The following CBFA2T3 variants were observed in gnomAD, a reference collection of about 807,000 sequenced individuals.
The protein encoded by CBFA2T3 is transcriptional corepressor CBFA2T3.
In CBFA2T3, 31 loss-of-function variants were observed where a neutral mutation model predicts 58.6. The ratio of observed to expected loss-of-function variants is 0.53; its 90% CI spans 0.40 to 0.71. CBFA2T3 has a LOEUF of 0.71. Ranked by LOEUF, CBFA2T3 falls within the 30% of genes least tolerant of loss-of-function variation. CBFA2T3 has a pLI of 0.00. For missense variants in CBFA2T3, 1,076 were observed against 963.1 expected, an observed-to-expected ratio of 1.12 and a Z score of -1.55; for synonymous variants, 531 against 421.9, an observed-to-expected ratio of 1.26 and a Z score of -3.17.
At position 88,884,958 on chromosome 16, in the gene CBFA2T3, C is replaced by A. The variant is rs374540349; in HGVS notation, c.1117+88G>T. ...CAGGTGCACACAGCTGCCCGTGGTG[C>A]CCTGTGCCCACATGCTCAGGTGTAC... On this transcript the variant is annotated intron_variant, in intron 7 of 11. Transcript: ENST00000268679. The A allele has an allele frequency of 7.1e-6, 7 of 983,402 alleles. No individual in the cohort carries two copies. The East Asian group carries it at 1.1e-4, about 16-fold the overall frequency. 60.9% of individuals were successfully genotyped at this position (983,402 alleles called of 1,614,324 possible). A position where few individuals can be genotyped will look rare whatever the true frequency, so the allele number is the denominator to read the frequency against.
At chr16:88,966,394 C>A (rs888387453) in intron 1 of CBFA2T3, among the ~76,000 whole-genome samples, 5 of 152,150 alleles carry the variant, frequency 3.3e-5, no homozygotes, top group Non-Finnish European at 5.9e-5. Context: ...CGGGGGATCG[C>A]GAGTCCACAG....
intron 1 of CBFA2T3, among the ~76,000 whole-genome samples, chr16:88,956,281 G>A (rs1476551620): frequency 3.9e-5 from 6 of 152,272 alleles, no homozygotes; most frequent in African/African-American, 7.2e-5. Flanking sequence ...CCTGCATCAC[G>A]GGAGAACCCC....
intron 1 of CBFA2T3, among the ~76,000 whole-genome samples, chr16:88,963,316 C>CGCTCATCTTCTGCCAGGGGT (rs1972416789): frequency 3.1e-5 from 2 of 63,818 alleles, no homozygotes; most frequent in African/African-American, 1.4e-4. Context: ...CTGCCAGGGG[C>CGCTCATCTTCTGCCAGGGGT]GGGCGCTCAT....
At chr16:88,943,242 G>A (rs1345900556) in intron 1 of CBFA2T3, among the ~76,000 whole-genome samples, 1 of 152,236 alleles carries the variant, frequency 6.6e-6, no homozygotes. Flanking sequence ...AGCTGTGGCT[G>A]CCCACAGGGC....
chr16:88,903,037 T>C (rs1370667361), intron 1 of CBFA2T3, among the ~76,000 whole-genome samples: 2 of 152,174 alleles, frequency 1.3e-5, no homozygotes, highest in Admixed American at 6.5e-5. Flanking sequence ...GAGGCCACAG[T>C]TGGGGGCTGG....
intron 9 of CBFA2T3, 26 bp from the exon 10 acceptor site, chr16:88,880,814 G>C (rs1162821787): frequency 6.4e-7 from 1 of 1,564,098 alleles, no homozygotes; most frequent in Non-Finnish European, 8.7e-7. Context: ...GCGTCACACA[G>C]GATGGGCCAC....
Position 88,885,062 on chromosome 16 carries a change from C to G in CBFA2T3, c.1101G>C (p.Glu367Asp). ...YRHPDPRELR[E>D]RHRPLVVPGS... ...GCTGCTCACCAAGCGGCCGATGGCG[C>G]TCTCGTAGCTCCCGGGGGTCTGGGT... The change falls in exon 7 of 12, where the codon GAG becomes GAC. Residue 367 changes from glutamate to aspartate, a missense_variant. Transcript: ENST00000268679. The surrounding 1 kb of genome is among the most constrained non-coding windows in gnomAD (Gnocchi z 5.3). The G allele has an allele frequency of 6.3e-7, 1 of 1,599,688 alleles. No individual in the cohort carries two copies. The highest frequency in any genetic ancestry group is 2.2e-5 in the East Asian group (1 of 44,668).
chr16:88,976,035 C>G (rs984680712), intron 1 of CBFA2T3, among the ~76,000 whole-genome samples: 2 of 152,204 alleles, frequency 1.3e-5, no homozygotes, highest in Non-Finnish European at 2.9e-5. Flanking sequence ...CCTGGGACTT[C>G]GCAGGCTCGG....
At chr16:88,975,926 T>G (rs7193421) in intron 1 of CBFA2T3, among the ~76,000 whole-genome samples, 106,183 of 152,260 alleles carry the variant, frequency 0.7, 37,413 homozygotes, top group Non-Finnish European at 0.74. Flanking sequence ...TGTGAGCTCC[T>G]GAAGGTTCCG....
At chr16:88,900,628 G>A (rs1198048428) in intron 2 of CBFA2T3, among the ~76,000 whole-genome samples, 2 of 152,162 alleles carry the variant, frequency 1.3e-5, no homozygotes, top group Admixed American at 1.3e-4. Flanking sequence ...CCCCAGGTAC[G>A]GGGCTTTCTG....
At chr16:88,882,411 CTG>C (rs779687884) in intron 8 of CBFA2T3, among the ~76,000 whole-genome samples, 14 of 145,704 alleles carry the variant, frequency 9.6e-5, no homozygotes, top group African/African-American at 3.4e-4. Context: ...GTGGGTGTGG[CTG>C]TGTGTGTATG....
At chr16:88,882,964 G>A (rs1238162683) in intron 7 of CBFA2T3, among the ~76,000 whole-genome samples, 1 of 152,246 alleles carries the variant, frequency 6.6e-6, no homozygotes, top group Non-Finnish European at 1.5e-5. Context: ...TGGGCCGACT[G>A]CTCTTCCCCT....
Position 88,876,853 on chromosome 16 carries a change from C to G in CBFA2T3, c.*123G>C. The G allele has an allele frequency of 1.3e-6, 1 of 761,076 alleles. No homozygotes were observed. The allele number at this position is 761,076 out of a possible 1,614,324, so 47.1% of individuals were successfully genotyped here. The stretch of plus-strand genomic sequence containing the variant: ...GCAGTGACTAATTGGTCGGCTCCCC[C>G]AGGTCAGGCGGGGCGCAGTGTCTGG... On this transcript the variant is annotated 3_prime_UTR_variant, in exon 12 of 12. Coordinates refer to ENST00000268679, the MANE Select transcript of CBFA2T3 (RefSeq NM_005187.6).
intron 3 of CBFA2T3, among the ~76,000 whole-genome samples, chr16:88,897,066 G>C (rs1453747322): frequency 6.6e-6 from 1 of 152,240 alleles, no homozygotes; most frequent in African/African-American, 2.4e-5. Context: ...TCAGAGCCTT[G>C]GTGGGGGGGT....
At position 88,965,484 on chromosome 16, in the gene CBFA2T3, G is replaced by A. The variant is rs1267683490; in HGVS notation, c.151+11173C>T. Among the ~76,000 whole-genome samples the A allele has an allele frequency of 5.9e-5, 9 of 152,246 alleles. No individual in the cohort carries two copies. The East Asian group carries it at 1.7e-3, about 29-fold the overall frequency. On this transcript the variant is annotated intron_variant, in intron 1 of 11. Transcript: ENST00000268679. ...CCTTTGGTTTAGAAGGATACTTGGT[G>A]CGCAGCGCCAGCCACAGGCCCCGAA...
At position 88,875,208 on chromosome 16, in the gene CBFA2T3, G is replaced by A. The variant is rs1001062001; in HGVS notation, c.*1768C>T. Reference sequence around the variant, plus strand: ...ACACAGATGCCAAGCCACGGGCCACGCCACACGCACAGATGCCAGGCTGCG... The same window carrying A: ...ACACAGATGCCAAGCCACGGGCCACACCACACGCACAGATGCCAGGCTGCG... On this transcript the variant is annotated 3_prime_UTR_variant, in exon 12 of 12. Coordinates refer to ENST00000268679, the MANE Select transcript of CBFA2T3 (RefSeq NM_005187.6). The A allele has an allele frequency of 5.5e-5, 13 of 234,812 alleles. No homozygotes were observed. Among genetic ancestry groups the A allele is most frequent in the Admixed American group, 2.2e-4 (4 of 17,788 alleles). 14.5% of individuals were successfully genotyped at this position (234,812 alleles called of 1,614,324 possible). A position where few individuals can be genotyped will look rare whatever the true frequency, so the allele number is the denominator to read the frequency against.
Position 88,886,042 on chromosome 16 carries a change from T to G in CBFA2T3, c.812A>C (p.Asp271Ala). ...GTCGATGGGGGAGGAGGCGCTGGCG[T>G]CCAGCAGGAGCTGCTCATGCTGGGC... ...YLAQHEQLLL[D>A]ASASSPIDSS... Residue 271 changes from aspartate to alanine, a missense_variant, in exon 6 of 12, where the codon GAC becomes GCC. Transcript: ENST00000268679. 1 of 1,579,574 alleles carries G rather than the reference T, an allele frequency of 6.3e-7. No individual in the cohort carries two copies. Among genetic ancestry groups the G allele is most frequent in the African/African-American group, 1.3e-5 (1 of 74,808 alleles).
In CBFA2T3 at chr16:88,901,576, G is replaced by T. The variant is rs141249194; in HGVS notation, c.232C>A (p.Pro78Thr). 113 of 1,503,302 alleles carry T rather than the reference G, an allele frequency of 7.5e-5. No homozygotes were observed. The African/African-American group carries it at 1.6e-3, about 21-fold the overall frequency. The allele number at this position is 1,503,302 out of a possible 1,614,324, so 93.1% of individuals were successfully genotyped here. ...GCAGGCGGTGGGGGCGGCATGCTGG[G>T]GGGTGTGGACCGGGGCTGCGTCTTC... ...EVKTQPRSTP[P>T]SMPPPPPAAS... The change falls in exon 2 of 12, where the codon CCC becomes ACC. Residue 78 changes from proline to threonine, a missense_variant. By Grantham distance (38) the Pro-to-Thr change is conservative. Coordinates refer to ENST00000268679, the MANE Select transcript of CBFA2T3 (RefSeq NM_005187.6).
At chr16:88,904,498 C>A (rs1970227382) in intron 1 of CBFA2T3, among the ~76,000 whole-genome samples, 1 of 152,240 alleles carries the variant, frequency 6.6e-6, no homozygotes, top group African/African-American at 2.4e-5. Context: ...AAAGTCTCCG[C>A]TTGTCATCAA....
Sources: allele counts gnomAD v4.1 joint callset (sites outside exome capture counted in the v4.1 genomes callset), GRCh38; gene constraint gnomAD v4.1.1; non-coding constraint Gnocchi (gnomAD v3.1); transcripts MANE v1.5; gene names NCBI Gene and HGNC (gene_info 2026-07-23, HGNC 2026-07-21).